The following SOX30 variants were observed in gnomAD, a reference collection of about 807,000 sequenced individuals.
SOX30 encodes the protein transcription factor SOX-30.
Under a neutral mutation model 58.6 loss-of-function variants are expected in SOX30, and 17 were observed. The ratio of observed to expected loss-of-function variants is 0.29; its 90% confidence interval spans 0.20 to 0.44. The LOEUF is 0.44. Ranked by LOEUF, SOX30 falls within the 20% of genes least tolerant of loss-of-function variation. SOX30 has a pLI of 1.00. For synonymous variants in SOX30, 421 were observed against 400.2 expected (o/e 1.05, Z -0.62); for missense variants, 951 against 965.8 (o/e 0.98, Z 0.20).
chr5:157,652,420 C>A lies in SOX30; in HGVS notation c.-342G>T, dbSNP rs765706498. ...CCGTTGTCTTTAGTCATCCCTCCCC[C>A]ACCCGGAGCTGCGACAATGGCGTTG... On this transcript the variant is annotated 5_prime_UTR_variant, in exon 1 of 5. Coordinates refer to ENST00000265007, the MANE Select transcript of SOX30 (RefSeq NM_178424.2). The A allele has an allele frequency of 4.8e-6, 5 of 1,044,854 alleles. No individual in the cohort carries two copies. Among genetic ancestry groups the A allele is most frequent in the Admixed American group, 1.1e-4 (2 of 17,816 alleles). 64.7% of individuals were successfully genotyped at this position (1,044,854 alleles called of 1,614,324 possible). A position where few individuals can be genotyped will look rare whatever the true frequency, so the allele number is the denominator to read the frequency against.
intron 3 of SOX30, among the ~76,000 whole-genome samples, chr5:157,641,367 C>T (rs918074174): frequency 2.0e-5 from 3 of 152,144 alleles, no homozygotes; most frequent in African/African-American, 7.2e-5. Context: ...AATCCCAGCA[C>T]TTTGGGAGGC....
chr5:157,640,744 C>A (rs1446679114), intron 3 of SOX30, among the ~76,000 whole-genome samples: 1 of 152,156 alleles, frequency 6.6e-6, no homozygotes, highest in East Asian at 1.9e-4. Context: ...ATATTAAAAT[C>A]TCTAGGATTG....
chr5:157,657,865 C>T (rs1220482911), intron 2 of SOX30, among the ~76,000 whole-genome samples: 1 of 152,162 alleles, frequency 6.6e-6, no homozygotes, highest in Non-Finnish European at 1.5e-5. Flanking sequence ...CAATTGGAAA[C>T]AGTGGTTATT....
Position 157,651,651 on chromosome 5 carries a change from C to T in SOX30, c.428G>A (p.Gly143Glu), listed in dbSNP as rs1220076580. The T allele has an allele frequency of 2.5e-6, 4 of 1,611,856 alleles. No individual in the cohort carries two copies. The highest frequency in any genetic ancestry group is 3.4e-6 in the Non-Finnish European group (4 of 1,179,662). ...CCCCACTGACTGATCCAGGCTGGGCCCCAGCTTCTGCTTCTTGGCCTTGAC... is the reference window on the plus strand; with the variant it reads ...CCCCACTGACTGATCCAGGCTGGGCTCCAGCTTCTGCTTCTTGGCCTTGAC... ...LHVKAKKQKL[G>E]PSLDQSVGPR... is the part of the protein sequence containing the mutation. The change falls in exon 1 of 5, where the codon GGG (glycine) becomes GAG (glutamate). Residue 143 changes from glycine to glutamate, a missense_variant. By Grantham distance (98) the Gly-to-Glu change is moderately conservative. Coordinates refer to ENST00000265007, the MANE Select transcript of SOX30 (RefSeq NM_178424.2).
intron 2 of SOX30, among the ~76,000 whole-genome samples, chr5:157,663,404 C>A (rs1009274263): frequency 2.6e-5 from 4 of 152,102 alleles, no homozygotes; most frequent in Admixed American, 6.6e-5. Flanking sequence ...ATTCAACAGC[C>A]CTTCATGCTA....
intron 4 of SOX30, among the ~76,000 whole-genome samples, chr5:157,627,129 T>C (rs757719232): frequency 7.9e-5 from 12 of 152,072 alleles, no homozygotes; most frequent in Non-Finnish European, 1.3e-4. Flanking sequence ...TTTGGGAGGC[T>C]GAGGCGGGCG....
At position 157,638,638 on chromosome 5, in the gene SOX30, C is replaced by A. The variant is rs149472054; in HGVS notation, c.1472G>T (p.Ser491Ile). 11 of 1,614,004 alleles carry A rather than the reference C, an allele frequency of 6.8e-6. No individual in the cohort carries two copies. The African/African-American group carries it at 1.5e-4, about 22-fold the overall frequency. Residue 491 changes from serine to isoleucine, a missense_variant, in exon 4 of 5, where the codon AGT (serine) becomes ATT (isoleucine). This residue lies in a region of SOX30 where 381 missense variants were observed against 390.0 expected (regional missense o/e 0.98). Coordinates refer to ENST00000265007, the MANE Select transcript of SOX30 (RefSeq NM_178424.2). Reference sequence around the variant, plus strand: ...ATCCTGGACAGCCACCTGAGCAGCACTGGAGACGCTGGGCTGGAAAAGTGT... The same window carrying A: ...ATCCTGGACAGCCACCTGAGCAGCAATGGAGACGCTGGGCTGGAAAAGTGT... ...PVTLFQPSVS[S>I]AAQVAVQDPS...
chr5:157,646,850 C>G, intron 2 of SOX30, 34 bp from the exon 3 acceptor site: 1 of 1,473,844 alleles, frequency 6.8e-7, no homozygotes, highest in Non-Finnish European at 9.4e-7. Flanking sequence ...AATGTGTAGA[C>G]TCCATTTAGC....
chr5:157,661,736 T>C lies in SOX30; in HGVS notation c.52+6062A>G, dbSNP rs6862745. On this transcript the variant is annotated intron_variant, in intron 2 of 5. Coordinates refer to the SOX30 transcript ENST00000519442. ...ATAAATCGACCACACTTGGTAATAG[T>C]GTATAATCCTTTTTGTACATTACTG... Among the ~76,000 whole-genome samples the C allele has an allele frequency of 2.6e-3, 390 of 152,356 alleles. 3 individuals are homozygous for C. Among genetic ancestry groups the C allele is most frequent in the African/African-American group, 9.1e-3 (377 of 41,590 alleles).
intron 1 of SOX30, among the ~76,000 whole-genome samples, chr5:157,649,133 A>T (rs1397034139): frequency 6.6e-6 from 1 of 152,080 alleles, no homozygotes; most frequent in Non-Finnish European, 1.5e-5. Flanking sequence ...ATATTGTTGA[A>T]GATAACTGTG....
At chr5:157,639,960 T>C (rs765532944) in intron 3 of SOX30, among the ~76,000 whole-genome samples, 1 of 152,216 alleles carries the variant, frequency 6.6e-6, no homozygotes, top group South Asian at 2.1e-4. Context: ...AGATGGGCTC[T>C]GACCCAGTGA....
rs559294002 is a variant in SOX30 at position 157,634,856 on chromosome 5, C to T, written c.1880+3374G>A. ...AGAGACAGGGTTTCATCATGTTCAC[C>T]AGGCTGGTCTCAAACACCTGACCTC... On this transcript the variant is annotated intron_variant, in intron 4 of 4. Transcript: ENST00000265007. Among the ~76,000 whole-genome samples the T allele has an allele frequency of 2.0e-5, 3 of 152,178 alleles. No individual in the cohort carries two copies. The East Asian group carries it at 5.8e-4, about 30-fold the overall frequency.
chr5:157,662,752 T>A (rs1403080466), intron 2 of SOX30, among the ~76,000 whole-genome samples: 2 of 152,228 alleles, frequency 1.3e-5, no homozygotes, highest in African/African-American at 4.8e-5. Context: ...ACAAACCTTA[T>A]ATCTGATAAG....
At chr5:157,665,598 TAAAAA>T (rs1759654497) in intron 2 of SOX30, among the ~76,000 whole-genome samples, 2 of 146,504 alleles carry the variant, frequency 1.4e-5, no homozygotes, top group South Asian at 4.2e-4. Flanking sequence ...TAAAGTATAA[TAAAAA>T]ATAAAATAAA....
rs1164248517 is a variant in SOX30, at chr5:157,638,680, T to C, written c.1430A>G (p.Gln477Arg). Reference protein sequence around the residue: ...PAIQLPTPAVQSPSPVTLFQP... With the variant: ...PAIQLPTPAVRSPSPVTLFQP... The stretch of plus-strand genomic sequence containing the variant: ...GAAAAGTGTGACAGGGCTTGGGCTC[T>C]GGACTGCAGGTGTGGGCAGCTGGAT... Residue 477 changes from glutamine to arginine, a missense_variant, in exon 4 of 5, where the codon CAG becomes CGG. Transcript: ENST00000265007. 41 of 1,613,970 alleles carry C rather than the reference T, an allele frequency of 2.5e-5. No individual in the cohort carries two copies. Among genetic ancestry groups the C allele is most frequent in the Non-Finnish European group, 3.3e-5 (39 of 1,179,992 alleles).
intron 1 of SOX30, among the ~76,000 whole-genome samples, chr5:157,650,434 A>C (rs1759300959): frequency 6.6e-6 from 1 of 152,196 alleles, no homozygotes; most frequent in South Asian, 2.1e-4. Context: ...TCTTAAAATA[A>C]GAATTTGCTA....
rs1398560639 is a variant in SOX30 at position 157,626,138 on chromosome 5, T to C, written c.*202A>G. The C allele has an allele frequency of 6.1e-6, 3 of 495,660 alleles. No individual in the cohort carries two copies. Among genetic ancestry groups the C allele is most frequent in the African/African-American group, 2.0e-5 (1 of 50,682 alleles). 30.7% of individuals were successfully genotyped at this position (495,660 alleles called of 1,614,324 possible). On this transcript the variant is annotated 3_prime_UTR_variant, in exon 5 of 5. Transcript: ENST00000265007. ...ATTAAAATTAAACTACTTAATAACT[T>C]AAATATTCCTACAATGAAACATCCA...
chr5:157,653,677 G>A (rs1759414520), upstream of SOX30, among the ~76,000 whole-genome samples: 1 of 152,002 alleles, frequency 6.6e-6, no homozygotes, highest in Non-Finnish European at 1.5e-5. Context: ...ATGACATTCT[G>A]GCCAAAAACT....
chr5:157,661,081 A>C (rs1439833106), intron 2 of SOX30, among the ~76,000 whole-genome samples: 1 of 152,136 alleles, frequency 6.6e-6, no homozygotes, highest in African/African-American at 2.4e-5. Flanking sequence ...GTAATTTTTT[A>C]AAATTTCCTT....
Sources: gnomAD v4.1 joint callset for allele counts (sites outside exome capture counted in the v4.1 genomes callset) on GRCh38, gnomAD v4.1.1 for gene constraint, gnomAD v4.1.1 regional missense constraint, MANE v1.5 for transcripts, NCBI Gene and HGNC (gene_info 2026-07-23, HGNC 2026-07-21) for gene names.